Variants in ADAMTSL1 observed in about 807,000 individuals in gnomAD.
ADAMTSL1 encodes the protein ADAMTS-like protein 1.
A neutral mutation model predicts 201.8 loss-of-function variants in ADAMTSL1; 126 were observed. That is an observed-to-expected ratio of 0.62 (90% CI 0.54 to 0.72). ADAMTSL1 has a LOEUF of 0.72. Ranked by LOEUF, ADAMTSL1 falls within the 30% of genes least tolerant of loss-of-function variation. The pLI, the probability that ADAMTSL1 is intolerant of heterozygous loss-of-function variation, is 0.00. For synonymous variants in ADAMTSL1, 1,121 were observed against 903.4 expected, an observed-to-expected ratio of 1.24 and a Z score of -4.32; for missense variants, 2,679 against 2,277.8, an observed-to-expected ratio of 1.18 and a Z score of -3.59.
upstream of ADAMTSL1, among the ~76,000 whole-genome samples, chr9:18,469,564 C>T (rs1273439505): frequency 1.3e-5 from 2 of 152,230 alleles, no homozygotes; most frequent in South Asian, 2.1e-4. Context: ...GGAGTTGCTG[C>T]CTCTTCCACA....
At chr9:18,127,365 G>A (rs927366174) in intron 1 of ADAMTSL1, among the ~76,000 whole-genome samples, 2 of 152,044 alleles carry the variant, frequency 1.3e-5, no homozygotes, top group South Asian at 4.1e-4. Context: ...AATGACTATG[G>A]GTGTGGGCAT....
chr9:18,706,956 C>G lies in ADAMTSL1; in HGVS notation c.1784C>G (p.Thr595Arg). 6.2e-7 allele frequency: 1 copy of G among 1,613,980 alleles called. No homozygotes were observed. The highest frequency in any genetic ancestry group is 8.5e-7 in the Non-Finnish European group (1 of 1,179,898). The change falls in exon 14 of 29, where the codon ACA (threonine) becomes AGA (arginine). Residue 595 changes from threonine (T) to arginine (R), a missense_variant. Transcript: ENST00000380548. ...ATTCCTGAGTTCAACCCAGACGAGA[C>G]AGATGGGCTCTTTGGTGGCCTGCAG... The part of the protein sequence containing the change: ...GEIPEFNPDE[T>R]DGLFGGLQDF...
intron 4 of ADAMTSL1, among the ~76,000 whole-genome samples, chr9:18,591,589 C>G (rs1823918869): frequency 6.6e-6 from 1 of 152,134 alleles, no homozygotes; most frequent in South Asian, 2.1e-4. Flanking sequence ...TGTAACCTCT[C>G]TCTTCCTTTT....
At chr9:18,432,650 G>C (rs1481957716) in intron 2 of ADAMTSL1, among the ~76,000 whole-genome samples, 2 of 152,172 alleles carry the variant, frequency 1.3e-5, no homozygotes, top group African/African-American at 4.8e-5. Flanking sequence ...TCCAGTGGTT[G>C]CTTGCTGAGG....
intron 2 of ADAMTSL1, among the ~76,000 whole-genome samples, chr9:18,266,665 G>T (rs1207437689): frequency 6.6e-6 from 1 of 152,112 alleles, no homozygotes; most frequent in Non-Finnish European, 1.5e-5. Context: ...GAAGGATGGC[G>T]TGGTTCCATG....
chr9:18,868,037 G>T (rs1827652681), intron 23 of ADAMTSL1, among the ~76,000 whole-genome samples: 1 of 151,904 alleles, frequency 6.6e-6, no homozygotes, highest in South Asian at 2.1e-4. Context: ...TACTCTCTCT[G>T]CTTTACTTTG....
intron 3 of ADAMTSL1, among the ~76,000 whole-genome samples, chr9:18,550,173 T>C (rs896513240): frequency 2.0e-5 from 3 of 152,030 alleles, no homozygotes; most frequent in African/African-American, 7.2e-5. Context: ...GGTAACACAA[T>C]GGTTCTCCAA....
At chr9:18,590,471 CG>C (rs944729539) in intron 4 of ADAMTSL1, among the ~76,000 whole-genome samples, 3 of 147,710 alleles carry the variant, frequency 2.0e-5, no homozygotes, top group Admixed American at 6.7e-5. Context: ...CTCAACTTTT[CG>C]TTTTGTTGAC....
intron 1 of ADAMTSL1, among the ~76,000 whole-genome samples, chr9:18,036,613 C>T (rs910242697): frequency 2.6e-5 from 4 of 152,062 alleles, no homozygotes; most frequent in Non-Finnish European, 5.9e-5. Flanking sequence ...CACATTTTAG[C>T]GTTAATCTCC....
At position 18,886,164 on chromosome 9, in the gene ADAMTSL1, G is replaced by GTA. The variant is rs773443727; in HGVS notation, c.4250-1666_4250-1665insAT. Among the ~76,000 whole-genome samples, 247 of 62,130 alleles carry GTA rather than the reference G, an allele frequency of 4.0e-3. 2 individuals are homozygous for GTA. Among genetic ancestry groups the GTA allele is most frequent in the Non-Finnish European group, 5.8e-3 (168 of 29,104 alleles). 40.8% of individuals were successfully genotyped at this position (62,130 alleles called of 152,430 possible). ...TGTATATATACATGTGAGTGTGTAT[G>GTA]TGTATATATATATATATATATATAT... On this transcript the variant is annotated intron_variant, in intron 23 of 28. Coordinates refer to ENST00000380548, the MANE Select transcript of ADAMTSL1 (RefSeq NM_001040272.6).
intron 23 of ADAMTSL1, among the ~76,000 whole-genome samples, chr9:18,844,460 C>G (rs922498402): frequency 1.3e-5 from 2 of 152,170 alleles, no homozygotes; most frequent in Admixed American, 1.3e-4. Flanking sequence ...GGGGTGCCTC[C>G]CAGTTAGGCT....
rs1362227516 is a variant in ADAMTSL1, at chr9:17,909,725, C to T, written c.87+2803C>T. Among the ~76,000 whole-genome samples, 312 of 65,102 alleles carry T rather than the reference C, an allele frequency of 4.8e-3. 5 individuals are homozygous for T. The highest frequency in any genetic ancestry group is 9.5e-3 in the African/African-American group (301 of 31,726). The allele number at this position is 65,102 out of a possible 152,430, so 42.7% of individuals were successfully genotyped here. On this transcript the variant is annotated intron_variant, in intron 1 of 29. Coordinates refer to the ADAMTSL1 transcript ENST00000680146. ...GAAATCATCATTCTCAGTAAACTAT[C>T]ACAAAACAAAAAACCAAACACTGCA...
At chr9:18,610,820 T>C (rs996080164) in intron 4 of ADAMTSL1, among the ~76,000 whole-genome samples, 1 of 152,186 alleles carries the variant, frequency 6.6e-6, no homozygotes, top group Admixed American at 6.5e-5. Context: ...AGCACACTAT[T>C]GCTGTTGGAA....
intron 2 of ADAMTSL1, among the ~76,000 whole-genome samples, chr9:18,373,662 C>G (rs1208879849): frequency 1.3e-5 from 2 of 152,126 alleles, no homozygotes; most frequent in Non-Finnish European, 2.9e-5. Context: ...CTGCCAACAT[C>G]CAGCAGCCTA....
intron 1 of ADAMTSL1, among the ~76,000 whole-genome samples, chr9:18,013,941 TGGTA>T (rs1321295497): frequency 7.3e-6 from 1 of 137,764 alleles, no homozygotes; most frequent in Non-Finnish European, 1.6e-5. Context: ...TCTGTAACTA[TGGTA>T]AAAGAGAACC....
intron 1 of ADAMTSL1, among the ~76,000 whole-genome samples, chr9:17,959,059 C>G (rs1817611692): frequency 6.6e-6 from 1 of 152,014 alleles, no homozygotes; most frequent in Non-Finnish European, 1.5e-5. Flanking sequence ...ATAATTACTA[C>G]TGTAATATAG....
chr9:18,702,195 C>T (rs1831963081), intron 13 of ADAMTSL1, among the ~76,000 whole-genome samples: 1 of 152,166 alleles, frequency 6.6e-6, no homozygotes, highest in South Asian at 2.1e-4. Flanking sequence ...AGGTCCCTCC[C>T]ACAACACATG....
intron 2 of ADAMTSL1, among the ~76,000 whole-genome samples, chr9:18,348,092 C>T (rs1349666671): frequency 2.6e-5 from 4 of 152,170 alleles, no homozygotes; most frequent in Non-Finnish European, 5.9e-5. Flanking sequence ...TTTAATCTCT[C>T]GCCAATTGTA....
rs576318389 is a variant in ADAMTSL1 at position 18,842,456 on chromosome 9, A to C, written c.4249+12479A>C. ...ATTTGCTGAGGAGAGCTTTACTTCC[A>C]AGTATGTGGTCAATTTTGGAATAGG... On this transcript the variant is annotated intron_variant, in intron 23 of 28. Transcript: ENST00000380548. Among the ~76,000 whole-genome samples, 414 of 152,240 alleles carry C rather than the reference A, an allele frequency of 2.7e-3. 2 individuals carry two copies. The highest frequency in any genetic ancestry group is 9.5e-3 in the African/African-American group (393 of 41,526).
Sources: gnomAD v4.1 joint callset for allele counts (sites outside exome capture counted in the v4.1 genomes callset) on GRCh38, gnomAD v4.1.1 for gene constraint, MANE v1.5 for transcripts, NCBI Gene and HGNC (gene_info 2026-07-23, HGNC 2026-07-21) for gene names.